AGO4: variants seen among roughly 807,000 people sequenced by gnomAD.
AGO4 encodes the protein protein argonaute-4.
AGO4 carries 33 observed loss-of-function variants against 104.7 expected under a neutral mutation model. The observed-to-expected ratio is 0.32, with a 90% CI of 0.24 to 0.42. The LOEUF is 0.42. AGO4 is among the 10% of genes least tolerant of loss of function. The probability of loss-of-function intolerance (pLI) is 1.00; values close to 1 mark genes in which losing one functional copy is unlikely to be tolerated. For missense variants in AGO4, 711 were observed against 1,083.4 expected (o/e 0.66, Z 4.83); for synonymous variants, 331 against 364.7 (o/e 0.91, Z 1.05).
chr1:35,850,357 C>T, intron 16 of AGO4, 99 bp downstream of exon 16: 1 of 901,450 alleles, frequency 1.1e-6, no homozygotes, highest in Non-Finnish European at 1.9e-6. Flanking sequence ...CCGTGCCTAA[C>T]TTTGTTAATG....
intron 1 of AGO4, among the ~76,000 whole-genome samples, chr1:35,812,408 A>G (rs1172378561): frequency 6.6e-6 from 1 of 152,170 alleles, no homozygotes; most frequent in African/African-American, 2.4e-5. Flanking sequence ...ACATTCAAGT[A>G]CTTCAGATAA....
At chr1:35,812,886 C>G (rs555268837) in intron 1 of AGO4, among the ~76,000 whole-genome samples, 2 of 152,200 alleles carry the variant, frequency 1.3e-5, no homozygotes, top group East Asian at 3.9e-4. Flanking sequence ...GCCACTGTGC[C>G]TGGCCTCTTA....
In AGO4 at chr1:35,850,944, C is replaced by T. The variant is rs1644689033; in HGVS notation, c.2368C>T (p.His790Tyr). 1.2e-6 allele frequency: 2 copies of T among 1,614,124 alleles called. No homozygotes were observed. Among genetic ancestry groups the T allele is most frequent in the Non-Finnish European group, 1.7e-6 (2 of 1,180,010 alleles). The stretch of plus-strand genomic sequence containing the variant: ...CCAGCTACTGACTTACCAGCTGTGT[C>T]ACACCTATGTGAGGTGCACTCGCTC... ...ELQLLTYQLC[H>Y]TYVRCTRSVS... The change falls in exon 17 of 18, where the codon CAC becomes TAC. Residue 790 changes from histidine (H) to tyrosine (Y), a missense_variant. His to Tyr is a moderately conservative substitution (Grantham distance 83). Coordinates refer to ENST00000373210, the MANE Select transcript of AGO4 (RefSeq NM_017629.4).
At chr1:35,829,494 A>T (rs934614567) in intron 7 of AGO4, among the ~76,000 whole-genome samples, 12 of 152,194 alleles carry the variant, frequency 7.9e-5, no homozygotes, top group African/African-American at 2.9e-4. Context: ...TATCACATAG[A>T]TGACCCTTAC....
intron 17 of AGO4, 59 bp from the exon 18 acceptor site, chr1:35,853,438 T>G (rs1644753241): frequency 6.7e-7 from 1 of 1,492,330 alleles, no homozygotes. Flanking sequence ...GTTGTTGTTG[T>G]TTTTGGTTTT....
At position 35,850,892 on chromosome 1, in the gene AGO4, T is replaced by G; in HGVS notation, c.2316T>G (p.Asp772Glu). The G allele has an allele frequency of 6.2e-7, 1 of 1,613,044 alleles. No homozygotes were observed. Among genetic ancestry groups the G allele is most frequent in the Non-Finnish European group, 8.5e-7 (1 of 1,179,886 alleles). ...SRPSHYQVLW[D>E]DNCFTADELQ... Reference sequence around the variant, plus strand: ...CCTCACATTACCAGGTCTTGTGGGATGACAACTGCTTCACTGCAGATGAAC... The same window carrying G: ...CCTCACATTACCAGGTCTTGTGGGAGGACAACTGCTTCACTGCAGATGAAC... The change falls in exon 17 of 18, where the codon GAT (aspartate) becomes GAG (glutamate). Residue 772 changes from aspartate (D) to glutamate (E), a missense_variant. Around this residue, in one of 3 missense-constraint regions of AGO4, gnomAD observed 401 missense variants for 665.5 expected, o/e 0.60. Coordinates refer to ENST00000373210, the MANE Select transcript of AGO4 (RefSeq NM_017629.4).
At chr1:35,827,317 C>T (rs576983723) in intron 7 of AGO4, among the ~76,000 whole-genome samples, 7 of 152,168 alleles carry the variant, frequency 4.6e-5, no homozygotes, top group South Asian at 2.1e-4. Flanking sequence ...GTCAGGCGTT[C>T]GAGACCAGCC....
rs150511006 is a variant in AGO4 at position 35,826,870 on chromosome 1, T to C, written c.848+35T>C. Reference sequence around the variant, plus strand: ...CCACATCTAAAGTAATACAATTACATTTTTAGTAACAGAGGGAGCTACTAT... The same window carrying C: ...CCACATCTAAAGTAATACAATTACACTTTTAGTAACAGAGGGAGCTACTAT... On this transcript the variant is annotated intron_variant, in intron 7 of 17. Transcript: ENST00000373210. 86 of 1,597,536 alleles carry C rather than the reference T, an allele frequency of 5.4e-5. No individual in the cohort carries two copies. In the East Asian group the frequency reaches 1.9e-3, roughly 35 times the overall value.
intron 11 of AGO4, 62 bp downstream of exon 11, chr1:35,832,632 A>C (rs1644212821): frequency 6.3e-7 from 1 of 1,585,312 alleles, no homozygotes; most frequent in African/African-American, 1.3e-5. Context: ...TACTGTCTTT[A>C]TGTGAATGTG....
rs554957549 is a variant in AGO4, at chr1:35,826,034, G to A, written c.734G>A (p.Arg245His). Residue 245 changes from arginine to histidine, a missense_variant, in exon 6 of 18, where the codon CGT becomes CAT. Coordinates refer to ENST00000373210, the MANE Select transcript of AGO4 (RefSeq NM_017629.4). ...ACCAAACCTCTAACAGACTCCCAGCGTGTCAAATTTACCAAAGAAATCAGA... is the reference window on the plus strand; with the variant it reads ...ACCAAACCTCTAACAGACTCCCAGCATGTCAAATTTACCAAAGAAATCAGA... ...EQTKPLTDSQ[R>H]VKFTKEIRGL... is the part of the protein sequence containing the mutation. The A allele has an allele frequency of 1.9e-6, 3 of 1,613,952 alleles. No individual in the cohort carries two copies. The highest frequency in any genetic ancestry group is 1.3e-5 in the African/African-American group (1 of 74,900).
rs1643922497 is a variant in AGO4 at position 35,823,065 on chromosome 1, C to T, written c.306+83C>T. ...AATATTTCCTTTTCTTCCCAACACA[C>T]ACAAAAAACATAAATGTTTGAGGTG... On this transcript the variant is annotated intron_variant, in intron 3 of 17. Coordinates refer to ENST00000373210, the MANE Select transcript of AGO4 (RefSeq NM_017629.4). 10 of 1,487,706 alleles carry T rather than the reference C, an allele frequency of 6.7e-6. No individual in the cohort carries two copies. The South Asian group carries it at 1.1e-4, about 17-fold the overall frequency. The allele number at this position is 1,487,706 out of a possible 1,614,324, so 92.2% of individuals were successfully genotyped here.
At position 35,827,061 on chromosome 1, in the gene AGO4, G is replaced by T. The variant is rs539176076; in HGVS notation, c.848+226G>T. Reference sequence around the variant, plus strand: ...CTAAAAATACAAGAAAACTAGCTGGGCGTGGTGGCGGGTACCTGTAACACC... The same window carrying T: ...CTAAAAATACAAGAAAACTAGCTGGTCGTGGTGGCGGGTACCTGTAACACC... On this transcript the variant is annotated intron_variant, in intron 7 of 17. Transcript: ENST00000373210. Among the ~76,000 whole-genome samples the T allele has an allele frequency of 2.0e-5, 3 of 151,648 alleles. No homozygotes were observed. The East Asian group carries it at 5.8e-4, about 29-fold the overall frequency.
Position 35,853,640 on chromosome 1 carries a change from C to T in AGO4, c.*35C>T, listed in dbSNP as rs774964472. On this transcript the variant is annotated 3_prime_UTR_variant, in exon 18 of 18. Transcript: ENST00000373210. Reference sequence around the variant, plus strand: ...AAAAAGAACTCAACCAATTTGGCACCCCATGCAGCCTCAAAATGTTTCAAA... The same window carrying T: ...AAAAAGAACTCAACCAATTTGGCACTCCATGCAGCCTCAAAATGTTTCAAA... 1 of 1,584,708 alleles carries T rather than the reference C, an allele frequency of 6.3e-7. No individual in the cohort carries two copies. Among genetic ancestry groups the T allele is most frequent in the Non-Finnish European group, 8.7e-7 (1 of 1,155,196 alleles).
chr1:35,851,150 CA>C, intron 17 of AGO4, 97 bp downstream of exon 17: 1 of 1,227,236 alleles, frequency 8.1e-7, no homozygotes, highest in Non-Finnish European at 1.1e-6. Context: ...TTTAAACTTT[CA>C]GAGTTTAAAT....
intron 7 of AGO4, among the ~76,000 whole-genome samples, 193 bp from the exon 8 acceptor site, chr1:35,831,234 C>T (rs564325639): frequency 1.9e-4 from 29 of 152,016 alleles, no homozygotes; most frequent in Non-Finnish European, 3.7e-4. Context: ...TGGTGGCACA[C>T]GCCTATAATC....
chr1:35,808,331 A>C lies in AGO4; in HGVS notation c.-86A>C, dbSNP rs1643364602. On this transcript the variant is annotated 5_prime_UTR_variant, in exon 1 of 18. Coordinates refer to ENST00000373210, the MANE Select transcript of AGO4 (RefSeq NM_017629.4). The surrounding 1 kb of genome is among the most constrained non-coding windows in gnomAD (Gnocchi z 5.2). Reference sequence around the variant, plus strand: ...CCCAGCGCCAATATTCCGGAGATCAAGCGTTACGCGGCGGCGGCGGCGGCG... The same window carrying C: ...CCCAGCGCCAATATTCCGGAGATCACGCGTTACGCGGCGGCGGCGGCGGCG... 6 of 843,200 alleles carry C rather than the reference A, an allele frequency of 7.1e-6. No individual in the cohort carries two copies. Among genetic ancestry groups the C allele is most frequent in the Non-Finnish European group, 8.6e-6 (6 of 697,884 alleles). 52.2% of individuals were successfully genotyped at this position (843,200 alleles called of 1,614,324 possible).
intron 15 of AGO4, among the ~76,000 whole-genome samples, chr1:35,845,038 A>G (rs1462832668): frequency 2.6e-5 from 4 of 151,970 alleles, no homozygotes; most frequent in Non-Finnish European, 5.9e-5. Context: ...TCTTTGTAGC[A>G]CTTAAGACAA....
At chr1:35,829,721 C>T (rs921031443) in intron 7 of AGO4, among the ~76,000 whole-genome samples, 2 of 150,948 alleles carry the variant, frequency 1.3e-5, no homozygotes, top group Admixed American at 6.6e-5. Context: ...TGGTGGCAGG[C>T]GCCTGTAATC....
At chr1:35,847,626 T>C (rs993448679) in intron 15 of AGO4, among the ~76,000 whole-genome samples, 1 of 152,222 alleles carries the variant, frequency 6.6e-6, no homozygotes, top group African/African-American at 2.4e-5. Flanking sequence ...AGATTACTTA[T>C]AATACCTAAT....
Sources: gnomAD v4.1 joint callset for allele counts (sites outside exome capture counted in the v4.1 genomes callset) on GRCh38, gnomAD v4.1.1 for gene constraint, gnomAD v4.1.1 regional missense constraint, Gnocchi (gnomAD v3.1) non-coding constraint, MANE v1.5 for transcripts, NCBI Gene and HGNC (gene_info 2026-07-23, HGNC 2026-07-21) for gene names.